Variants in TUBGCP5 observed in about 807,000 individuals in gnomAD.
TUBGCP5 encodes gamma-tubulin complex component 5.
A neutral mutation model predicts 134.7 loss-of-function variants in TUBGCP5; 98 were observed. That is an observed-to-expected ratio of 0.73 (90% CI 0.62 to 0.86). The LOEUF (loss-of-function observed/expected upper bound fraction) is 0.86, where lower values mean the gene tolerates loss of function less well. TUBGCP5 is among the 40% of genes least tolerant of loss of function. The pLI is 0.00. For missense variants in TUBGCP5, 1,150 were observed against 1,244.8 expected (o/e 0.92, Z 1.15); for synonymous variants, 456 against 431.4 (o/e 1.06, Z -0.71).
chr15:23,030,075 G>T (rs1199125226), intron 6 of TUBGCP5, among the ~76,000 whole-genome samples: 3 of 152,166 alleles, frequency 2.0e-5, no homozygotes, highest in Non-Finnish European at 2.9e-5. Context: ...CTCACCTGTA[G>T]TTCCAGCTAC....
At chr15:22,997,709 C>G (rs1486697218), downstream of TUBGCP5, among the ~76,000 whole-genome samples, 1 of 151,662 alleles carries the variant, frequency 6.6e-6, no homozygotes, top group Non-Finnish European at 1.5e-5. Context: ...CTCCGGCCAC[C>G]CAGGTTCAAG....
At position 23,029,365 on chromosome 15, in the gene TUBGCP5, G is replaced by A. The variant is rs1438513912; in HGVS notation, c.622+1520C>T. On this transcript the variant is annotated intron_variant, in intron 6 of 22. Coordinates refer to ENST00000615383, the MANE Select transcript of TUBGCP5 (RefSeq NM_052903.6). ...GCCTCCCAGGTAGCTGGGATTACAG[G>A]CATGCGCCACTATGCCCAGCTAATT... 4.6e-5 allele frequency among the ~76,000 whole-genome samples: 7 copies of A among 152,120 alleles called. 1 individual carries two copies. Among genetic ancestry groups the A allele is most frequent in the African/African-American group, 1.7e-4 (7 of 41,416 alleles).
rs757131306 is a variant in TUBGCP5 at position 23,013,598 on chromosome 15, G to A, written c.1757-2267C>T. Among the ~76,000 whole-genome samples, 29 of 152,272 alleles carry A rather than the reference G, an allele frequency of 1.9e-4. 1 individual carries two copies. The highest frequency in any genetic ancestry group is 6.8e-3 in the Middle Eastern group (2 of 294). On this transcript the variant is annotated intron_variant, in intron 13 of 22. Coordinates refer to ENST00000615383, the MANE Select transcript of TUBGCP5 (RefSeq NM_052903.6). The surrounding 1 kb of genome is among the most constrained non-coding windows in gnomAD (Gnocchi z 4.5). Reference sequence around the variant, plus strand: ...AACAGGCTGGTCTGGAGTCAAGAAGGACTTCCCATTGTAGGGTAAGGGTAA... The same window carrying A: ...AACAGGCTGGTCTGGAGTCAAGAAGAACTTCCCATTGTAGGGTAAGGGTAA...
chr15:23,024,181 A>G lies in TUBGCP5; in HGVS notation c.934T>C (p.Ser312Pro), dbSNP rs756332360. 5.6e-6 allele frequency: 9 copies of G among 1,613,640 alleles called. No individual in the cohort carries two copies. The highest frequency in any genetic ancestry group is 2.2e-5 in the South Asian group (2 of 90,986). ...VTHLTHSCLRSVLEQIAAYGQ... is the reference protein window; with the variant it reads ...VTHLTHSCLRPVLEQIAAYGQ... The stretch of plus-strand genomic sequence containing the variant: ...TATGCTGCTATTTGTTCCAGCACAG[A>G]TCGTAAACAGCTCTACAACACAAGC... Residue 312 changes from serine to proline, a missense_variant, in exon 10 of 23, where the codon TCT becomes CCT. Physicochemically the swap from Ser to Pro is moderately conservative, Grantham distance 74 (BLOSUM62 -1). Coordinates refer to ENST00000615383, the MANE Select transcript of TUBGCP5 (RefSeq NM_052903.6).
chr15:23,019,063 A>C (rs2065502867), intron 12 of TUBGCP5, among the ~76,000 whole-genome samples, 156 bp downstream of exon 12: 1 of 152,228 alleles, frequency 6.6e-6, no homozygotes, highest in South Asian at 2.1e-4. Context: ...TGCCTTCCGT[A>C]AAAATGAGAT....
At chr15:23,039,375 CG>C in intron 1 of TUBGCP5, 22 bp downstream of exon 1, 1 of 1,404,550 alleles carries the variant, frequency 7.1e-7, no homozygotes, top group Non-Finnish European at 9.4e-7. Context: ...GCCGGGAACC[CG>C]CCCGCGCGCC....
At chr15:23,034,128 T>C (rs761150753) in intron 3 of TUBGCP5, among the ~76,000 whole-genome samples, 1 of 152,216 alleles carries the variant, frequency 6.6e-6, no homozygotes, top group Non-Finnish European at 1.5e-5. Flanking sequence ...TCTGTTTAGA[T>C]AGTTTGCGCA....
intron 20 of TUBGCP5, among the ~76,000 whole-genome samples, 161 bp downstream of exon 20, chr15:23,003,941 T>C (rs1401514932): frequency 6.6e-6 from 1 of 152,114 alleles, no homozygotes; most frequent in Non-Finnish European, 1.5e-5. Context: ...GCATGAGCCA[T>C]TGTGGCCGGC....
chr15:22,997,775 G>A (rs1003546681), downstream of TUBGCP5, among the ~76,000 whole-genome samples: 11 of 151,288 alleles, frequency 7.3e-5, no homozygotes, highest in African/African-American at 1.9e-4. Flanking sequence ...GTGCCACCAC[G>A]CCCAGCTAAT....
chr15:23,017,886 A>G lies in TUBGCP5; in HGVS notation c.1643T>C (p.Met548Thr), dbSNP rs1349989747. Residue 548 changes from methionine to threonine, a missense_variant, in exon 13 of 23, where the codon ATG becomes ACG. Coordinates refer to ENST00000615383, the MANE Select transcript of TUBGCP5 (RefSeq NM_052903.6). ...CAGGACAGGTTTGAGGAAGGACACC[A>G]TGGTGTGCTGCCTGCTGGAGGGCCC... ...DQGPSSRQHT[M>T]VSFLKPVLKQ... is the part of the protein sequence containing the mutation. The G allele has an allele frequency of 6.2e-7, 1 of 1,614,042 alleles. No individual in the cohort carries two copies. Among genetic ancestry groups the G allele is most frequent in the Non-Finnish European group, 8.5e-7 (1 of 1,180,016 alleles).
intron 6 of TUBGCP5, among the ~76,000 whole-genome samples, chr15:23,029,170 G>A (rs2066151543): frequency 6.6e-6 from 1 of 152,118 alleles, no homozygotes; most frequent in Non-Finnish European, 1.5e-5. Context: ...CCCCAAATTA[G>A]ATCTATAAAT....
chr15:23,024,159 G>T lies in TUBGCP5; in HGVS notation c.956C>A (p.Ala319Glu), dbSNP rs1316378927. ...GAGTCGAAACACAACCTGGCCATAT[G>T]CTGCTATTTGTTCCAGCACAGATCG... is the stretch of plus-strand genomic sequence containing the variant. The part of the protein sequence containing the change: ...CLRSVLEQIA[A>E]YGQVVFRLQE... The change falls in exon 10 of 23, where the codon GCA becomes GAA. Residue 319 changes from alanine (A) to glutamate (E), a missense_variant. Physicochemically the swap from Ala to Glu is moderately radical, Grantham distance 107. Transcript: ENST00000615383. 6.2e-7 allele frequency: 1 copy of T among 1,614,088 alleles called. No homozygotes were observed. Among genetic ancestry groups the T allele is most frequent in the Non-Finnish European group, 8.5e-7 (1 of 1,180,020 alleles).
chr15:23,016,508 AAAAAAGGC>A (rs1022648474), intron 13 of TUBGCP5, among the ~76,000 whole-genome samples: 1 of 151,996 alleles, frequency 6.6e-6, no homozygotes, highest in African/African-American at 2.4e-5. Context: ...AAAAAAAAAA[AAAAAAGGC>A]AAATGATCTG....
intron 7 of TUBGCP5, among the ~76,000 whole-genome samples, 168 bp downstream of exon 7, chr15:23,027,024 G>A (rs986588726): frequency 5.3e-5 from 8 of 152,090 alleles, no homozygotes; most frequent in African/African-American, 1.4e-4. Context: ...CCACTGCACT[G>A]CAGTCTGGGC....
At chr15:22,989,977 ACCTCCTGC>A (rs1449766043) in intron 23 of TUBGCP5, among the ~76,000 whole-genome samples, 1 of 151,914 alleles carries the variant, frequency 6.6e-6, no homozygotes, top group African/African-American at 2.4e-5. Flanking sequence ...TGGATCTCTC[ACCTCCTGC>A]CCTGGGGCTT....
At chr15:23,015,141 G>A (rs956936224) in intron 13 of TUBGCP5, among the ~76,000 whole-genome samples, 3 of 152,068 alleles carry the variant, frequency 2.0e-5, no homozygotes, top group African/African-American at 4.8e-5. Context: ...TTGGAGTACA[G>A]TGGTATAATC....
rs146471038 is a variant in TUBGCP5, at chr15:23,037,117, A to G, written c.182T>C (p.Ile61Thr). Residue 61 changes from isoleucine to threonine, a missense_variant, in exon 2 of 23, where the codon ATA (isoleucine) becomes ACA (threonine). By Grantham distance (89) the Ile-to-Thr change is moderately conservative. Transcript: ENST00000615383. ...GACTTACCCTTCGATTGTTTTTTCT[A>G]TTTTGTGGCTGTTGACATCCAAGAA... ...HRFLDVNSHK[I>T]EKTIEGIYEK... The G allele has an allele frequency of 2.9e-5, 46 of 1,613,624 alleles. No homozygotes were observed. In the African/African-American group the frequency reaches 4.9e-4, roughly 17 times the overall value.
At position 23,030,899 on chromosome 15, in the gene TUBGCP5, C is replaced by T; in HGVS notation, c.608G>A (p.Cys203Tyr). ...ACACATAATACCTTTCCAACTGATA[C>T]AAGGATCCAGTTTTCTGTTTTGATC... ...EQDQNRKLDP[C>Y]ISWKDEPDDR... The change falls in exon 6 of 23, where the codon TGT becomes TAT. Residue 203 changes from cysteine (C) to tyrosine (Y), a missense_variant. By Grantham distance (194) the Cys-to-Tyr change is radical (BLOSUM62 -2). Coordinates refer to ENST00000615383, the MANE Select transcript of TUBGCP5 (RefSeq NM_052903.6). 1 of 1,611,888 alleles carries T rather than the reference C, an allele frequency of 6.2e-7. No individual in the cohort carries two copies. The highest frequency in any genetic ancestry group is 1.1e-5 in the South Asian group (1 of 90,816).
chr15:23,021,668 T>C (rs769252892), intron 11 of TUBGCP5, among the ~76,000 whole-genome samples: 7 of 152,218 alleles, frequency 4.6e-5, no homozygotes, highest in Non-Finnish European at 1.0e-4. Context: ...TCTCATGTCA[T>C]GTTAGTTACA....
Sources: gnomAD v4.1 joint callset for allele counts (sites outside exome capture counted in the v4.1 genomes callset) on GRCh38, gnomAD v4.1.1 for gene constraint, Gnocchi (gnomAD v3.1) non-coding constraint, MANE v1.5 for transcripts, NCBI Gene and HGNC (gene_info 2026-07-23, HGNC 2026-07-21) for gene names.